OPA1: variants seen among roughly 807,000 people sequenced by gnomAD.
OPA1 encodes OPA1 mitochondrial dynamin like GTPase.
In OPA1, 59 loss-of-function variants were observed where a neutral mutation model predicts 152.9. That is an observed-to-expected ratio of 0.39 (90% CI 0.31 to 0.48). The LOEUF (loss-of-function observed/expected upper bound fraction) is 0.48, where lower values mean the gene tolerates loss of function less well. Among genes scored for constraint, OPA1 ranks in the 20% least tolerant of loss-of-function variants. The pLI, the probability that OPA1 is intolerant of heterozygous loss-of-function variation, is 0.96. For synonymous variants in OPA1, 400 were observed against 389.9 expected, an observed-to-expected ratio of 1.03 and a Z score of -0.31; for missense variants, 1,008 against 1,216.8, an observed-to-expected ratio of 0.83 and a Z score of 2.55.
intron 7 of OPA1, among the ~76,000 whole-genome samples, chr3:193,629,996 TC>T (rs1347983824): frequency 6.6e-6 from 1 of 152,188 alleles, no homozygotes; most frequent in African/African-American, 2.4e-5. Context: ...ACAAAGTAAA[TC>T]AAAGTACCTT....
chr3:193,690,310 C>A (rs1488723253), intron 29 of OPA1, among the ~76,000 whole-genome samples: 1 of 42,080 alleles, frequency 2.4e-5, no homozygotes. Flanking sequence ...GACTCCCCCC[C>A]CACCCCACCC....
chr3:193,631,798 A>T, intron 8 of OPA1, 133 bp downstream of exon 8: 1 of 740,720 alleles, frequency 1.4e-6, no homozygotes, highest in Non-Finnish European at 2.4e-6. Context: ...ATTATTATCG[A>T]TAGATGCAAA....
chr3:193,608,064 T>C (rs1727568819), intron 1 of OPA1, among the ~76,000 whole-genome samples: 1 of 152,202 alleles, frequency 6.6e-6, no homozygotes, highest in African/African-American at 2.4e-5. Flanking sequence ...TCTCTGTTTG[T>C]CTGTTATTGG....
intron 29 of OPA1, among the ~76,000 whole-genome samples, chr3:193,687,763 A>G (rs1193438672): frequency 6.6e-6 from 1 of 152,214 alleles, no homozygotes; most frequent in Non-Finnish European, 1.5e-5. Context: ...TTGTATCAAA[A>G]TTTAAAATGA....
At position 193,648,861 on chromosome 3, in the gene OPA1, C is replaced by G. The variant is rs2109084084; in HGVS notation, c.2002C>G (p.Pro668Ala). The G allele has an allele frequency of 1.9e-6, 3 of 1,600,846 alleles. No individual in the cohort carries two copies. Among genetic ancestry groups the G allele is most frequent in the East Asian group, 4.5e-5 (2 of 44,628 alleles). ...DEVISLSQVT[P>A]KHWEEILQQS... Reference sequence around the variant, plus strand: ...AGTTATCAGTCTGAGCCAGGTTACACCAAAACATTGGTAAGTATTTGATAT... The same window carrying G: ...AGTTATCAGTCTGAGCCAGGTTACAGCAAAACATTGGTAAGTATTTGATAT... Residue 668 changes from proline to alanine, a missense_variant, in exon 21 of 31, where the codon CCA (proline) becomes GCA (alanine). By Grantham distance (27) the Pro-to-Ala change is conservative. This residue lies in a region of OPA1 where 229 missense variants were observed against 269.0 expected (regional missense o/e 0.85). Coordinates refer to ENST00000361510, the MANE Select transcript of OPA1 (RefSeq NM_130837.3).
chr3:193,610,720 C>T (rs1317805633), intron 1 of OPA1, among the ~76,000 whole-genome samples: 1 of 152,246 alleles, frequency 6.6e-6, no homozygotes, highest in Admixed American at 6.5e-5. Context: ...TTTACCTGCT[C>T]AAGCCTCCGC....
chr3:193,683,638 C>T (rs1236581342), intron 29 of OPA1, among the ~76,000 whole-genome samples: 1 of 152,130 alleles, frequency 6.6e-6, no homozygotes, highest in Non-Finnish European at 1.5e-5. Context: ...CAACAGCCAC[C>T]ACCCTGATCA....
intron 22 of OPA1, among the ~76,000 whole-genome samples, chr3:193,655,446 C>T (rs1713566942): frequency 6.6e-6 from 1 of 152,128 alleles, no homozygotes; most frequent in Admixed American, 6.5e-5. Context: ...TTATCATTTT[C>T]TTAGGATCCT....
At chr3:193,679,373 C>T (rs1465606126) in intron 29 of OPA1, among the ~76,000 whole-genome samples, 3 of 152,052 alleles carry the variant, frequency 2.0e-5, no homozygotes, top group Admixed American at 2.0e-4. Flanking sequence ...CTTTGGAGTC[C>T]ATATCCTACT....
intron 1 of OPA1, among the ~76,000 whole-genome samples, chr3:193,598,952 C>T (rs1233381118): frequency 6.6e-6 from 1 of 152,120 alleles, no homozygotes; most frequent in Non-Finnish European, 1.5e-5. Context: ...TGGTTGATAT[C>T]CCTCTCTGTA....
At chr3:193,635,937 T>G (rs982021518) in intron 9 of OPA1, among the ~76,000 whole-genome samples, 6 of 152,210 alleles carry the variant, frequency 3.9e-5, no homozygotes, top group Admixed American at 3.9e-4. Flanking sequence ...ATTAACACTT[T>G]TCTTCTAAGG....
At chr3:193,638,106 T>C (rs1240313190) in intron 11 of OPA1, 41 bp downstream of exon 11, 1 of 1,387,032 alleles carries the variant, frequency 7.2e-7, no homozygotes, top group Non-Finnish European at 1.0e-6. Context: ...CTTAGGAGAG[T>C]AACTGCTTCA....
intron 22 of OPA1, among the ~76,000 whole-genome samples, chr3:193,656,147 G>A (rs79129003): frequency 0.067 from 10,209 of 152,042 alleles, 401 homozygotes; most frequent in Non-Finnish European, 0.087. Flanking sequence ...TTTTTTCTGC[G>A]CCCTGTCCCA....
intron 1 of OPA1, among the ~76,000 whole-genome samples, chr3:193,593,702 GTGTCTTCAGTGTTC>G (rs1446992873): frequency 3.9e-5 from 6 of 151,908 alleles, no homozygotes; most frequent in Non-Finnish European, 8.8e-5. Context: ...TTACACCCTT[GTGTCTTCAGTGTTC>G]TGTCTGTCTC....
intron 1 of OPA1, among the ~76,000 whole-genome samples, chr3:193,598,773 T>G (rs1181282750): frequency 1.3e-5 from 2 of 152,226 alleles, no homozygotes; most frequent in African/African-American, 4.8e-5. Context: ...TTTAACCGAT[T>G]AAGAAACTAA....
chr3:193,635,315 TAGG>T (rs1015317790), intron 8 of OPA1, 100 bp from the exon 9 acceptor site: 38 of 686,962 alleles, frequency 5.5e-5, no homozygotes, highest in Non-Finnish European at 8.6e-5. Flanking sequence ...ACATTTTAAA[TAGG>T]AGATATGACT....
At chr3:193,643,934 C>A in intron 15 of OPA1, 41 bp from the exon 16 acceptor site, 1 of 1,604,800 alleles carries the variant, frequency 6.2e-7, no homozygotes. Context: ...GTCTACTTTA[C>A]ATCTTAAAAT....
At chr3:193,668,548 TC>T (rs1717191904) in intron 29 of OPA1, 1 of 1,548,328 alleles carries the variant, frequency 6.5e-7, no homozygotes, top group East Asian at 2.4e-5. Context: ...GATTCCTTCC[TC>T]ACCTGAAGCC....
At chr3:193,642,081 A>C (rs1389299760) in intron 11 of OPA1, among the ~76,000 whole-genome samples, 1 of 152,236 alleles carries the variant, frequency 6.6e-6, no homozygotes, top group Non-Finnish European at 1.5e-5. Flanking sequence ...ATGCCACTGC[A>C]CTTCAGCCTG....
Sources: allele counts gnomAD v4.1 joint callset (sites outside exome capture counted in the v4.1 genomes callset), GRCh38; gene constraint gnomAD v4.1.1; regional missense constraint gnomAD v4.1.1; transcripts MANE v1.5; gene names NCBI Gene and HGNC (gene_info 2026-07-23, HGNC 2026-07-21).